Variants in CACNA2D3 observed in about 807,000 individuals in gnomAD.
CACNA2D3 encodes calcium voltage-gated channel auxiliary subunit alpha2delta 3, also known as voltage-dependent calcium channel subunit alpha-2/delta-3.
A neutral mutation model predicts 160.6 loss-of-function variants in CACNA2D3; 60 were observed. That is an observed-to-expected ratio of 0.37 (90% CI 0.30 to 0.46). CACNA2D3 has a LOEUF of 0.46. CACNA2D3 is among the 20% of genes least tolerant of loss of function. CACNA2D3 has a pLI of 1.00. For synonymous variants in CACNA2D3, 558 were observed against 492.9 expected (o/e 1.13, Z -1.75); for missense variants, 1,205 against 1,365.0 (o/e 0.88, Z 1.85).
chr3:54,924,869 G>T, intron 27 of CACNA2D3: 1 of 1,613,794 alleles, frequency 6.2e-7, no homozygotes, highest in Non-Finnish European at 8.5e-7. Context: ...GGAGGGAATG[G>T]AAAAGTCTGC....
chr3:55,004,971 T>TA (rs56926640), intron 32 of CACNA2D3, 133 bp downstream of exon 32: 30,234 of 502,644 alleles, frequency 0.06, 45 homozygotes, highest in South Asian at 0.08. Flanking sequence ...TTTACTCACT[T>TA]AAAAAAAAAA....
At chr3:54,402,560 A>G (rs1224520405) in intron 4 of CACNA2D3, among the ~76,000 whole-genome samples, 1 of 152,238 alleles carries the variant, frequency 6.6e-6, no homozygotes, top group African/African-American at 2.4e-5. Context: ...ATTTAATGAT[A>G]AAGGGCTCAA....
rs991748310 is a variant in CACNA2D3, at chr3:54,837,333, G to A, written c.1470+103G>A. ...GACTTTTGATTTTTAAGCATAGGATGTATGTCATTTTTCCTTATTGTTTGA... is the reference window on the plus strand; with the variant it reads ...GACTTTTGATTTTTAAGCATAGGATATATGTCATTTTTCCTTATTGTTTGA... On this transcript the variant is annotated intron_variant, in intron 15 of 37. Transcript: ENST00000474759. 7.8e-6 allele frequency: 7 copies of A among 892,090 alleles called. No homozygotes were observed. The Admixed American group carries it at 9.9e-5, about 13-fold the overall frequency. The allele number at this position is 892,090 out of a possible 1,614,324, so 55.3% of individuals were successfully genotyped here. A position where few individuals can be genotyped will look rare whatever the true frequency, so the allele number is the denominator to read the frequency against.
chr3:54,138,601 G>A (rs781659009), intron 2 of CACNA2D3, among the ~76,000 whole-genome samples: 1 of 152,228 alleles, frequency 6.6e-6, no homozygotes, highest in Non-Finnish European at 1.5e-5. Flanking sequence ...ATGATGGCTT[G>A]TACTTCTTGG....
At chr3:54,604,281 C>T (rs1364547559) in intron 9 of CACNA2D3, among the ~76,000 whole-genome samples, 2 of 152,136 alleles carry the variant, frequency 1.3e-5, no homozygotes, top group Admixed American at 6.5e-5. Context: ...GATGAAGTCC[C>T]TTCTCCCATG....
intron 2 of CACNA2D3, among the ~76,000 whole-genome samples, chr3:54,168,265 G>T (rs1353623390): frequency 6.6e-6 from 1 of 152,186 alleles, no homozygotes; most frequent in East Asian, 1.9e-4. Flanking sequence ...AATGCTTATG[G>T]AATGAATGAG....
rs957375585 is a variant in CACNA2D3 at position 54,477,266 on chromosome 3, A to T, written c.382-26226A>T. Among the ~76,000 whole-genome samples, 4 of 151,962 alleles carry T rather than the reference A, an allele frequency of 2.6e-5. No individual in the cohort carries two copies. In the South Asian group the frequency reaches 6.2e-4, roughly 24 times the overall value. ...CCTTTTTTTTTTTCAGATGGGGTAA[A>T]TGAGGCCCATAATGAATTAGCAGCT... On this transcript the variant is annotated intron_variant, in intron 4 of 37. Coordinates refer to ENST00000474759, the MANE Select transcript of CACNA2D3 (RefSeq NM_018398.3).
intron 13 of CACNA2D3, among the ~76,000 whole-genome samples, chr3:54,770,051 C>A (rs1368662244): frequency 6.6e-6 from 1 of 152,126 alleles, no homozygotes; most frequent in Non-Finnish European, 1.5e-5. Flanking sequence ...CGGTAGCAGC[C>A]CCCTTCACCC....
At chr3:55,021,715 G>GTGTGTATATA (rs1553632885) in intron 35 of CACNA2D3, among the ~76,000 whole-genome samples, 1 of 141,406 alleles carries the variant, frequency 7.1e-6, no homozygotes. Flanking sequence ...ATATGTGTGT[G>GTGTGTATATA]TATATATATA....
At chr3:54,849,618 A>G (rs1699011921) in intron 17 of CACNA2D3, among the ~76,000 whole-genome samples, 2 of 152,210 alleles carry the variant, frequency 1.3e-5, no homozygotes, top group South Asian at 4.1e-4. Flanking sequence ...TTCTCTGGCT[A>G]GCTCAGGCAG....
chr3:55,031,831 G>T (rs1217476535), intron 35 of CACNA2D3, among the ~76,000 whole-genome samples: 1 of 152,194 alleles, frequency 6.6e-6, no homozygotes, highest in Non-Finnish European at 1.5e-5. Flanking sequence ...TAGAGGTGTA[G>T]ATGATCAAAG....
At chr3:54,231,309 G>T (rs1284722370) in intron 2 of CACNA2D3, among the ~76,000 whole-genome samples, 2 of 152,128 alleles carry the variant, frequency 1.3e-5, no homozygotes, top group African/African-American at 2.4e-5. Flanking sequence ...CTGCCTTCTG[G>T]TCCTCACTCT....
At chr3:54,456,394 T>C (rs1168604207) in intron 4 of CACNA2D3, among the ~76,000 whole-genome samples, 3 of 152,032 alleles carry the variant, frequency 2.0e-5, no homozygotes, top group Non-Finnish European at 4.4e-5. Flanking sequence ...TACTGATTTT[T>C]ATATTAATAT....
At chr3:54,784,125 T>C (rs1702586575) in intron 13 of CACNA2D3, among the ~76,000 whole-genome samples, 1 of 152,178 alleles carries the variant, frequency 6.6e-6, no homozygotes, top group Admixed American at 6.5e-5. Flanking sequence ...TGAAGGGTAG[T>C]CAGGCAAGTC....
intron 11 of CACNA2D3, among the ~76,000 whole-genome samples, chr3:54,675,798 A>G (rs763388723): frequency 2.0e-5 from 3 of 152,246 alleles, no homozygotes; most frequent in Non-Finnish European, 4.4e-5. Flanking sequence ...GACGAAAGTA[A>G]AGGCTCTGAG....
chr3:54,300,679 C>G (rs1703455349), intron 2 of CACNA2D3, among the ~76,000 whole-genome samples: 1 of 152,142 alleles, frequency 6.6e-6, no homozygotes, highest in South Asian at 2.1e-4. Context: ...GTCACCAATT[C>G]TGATTTTGGA....
At chr3:54,686,885 A>G (rs957193364) in intron 11 of CACNA2D3, among the ~76,000 whole-genome samples, 1 of 152,144 alleles carries the variant, frequency 6.6e-6, no homozygotes, top group African/African-American at 2.4e-5. Flanking sequence ...TATCAGGTGT[A>G]AATATGGTTA....
intron 4 of CACNA2D3, among the ~76,000 whole-genome samples, chr3:54,484,806 G>A (rs973415059): frequency 4.0e-5 from 6 of 151,668 alleles, no homozygotes; most frequent in Non-Finnish European, 7.4e-5. Context: ...AATTATGAGA[G>A]TATGAGAGTT....
At chr3:55,033,161 A>C (rs973093247) in intron 35 of CACNA2D3, among the ~76,000 whole-genome samples, 1 of 152,308 alleles carries the variant, frequency 6.6e-6, no homozygotes. Flanking sequence ...GAAGCCCCTT[A>C]GGATACCAGA....
Sources: gnomAD v4.1 joint callset for allele counts (sites outside exome capture counted in the v4.1 genomes callset) on GRCh38, gnomAD v4.1.1 for gene constraint, MANE v1.5 for transcripts, NCBI Gene and HGNC (gene_info 2026-07-23, HGNC 2026-07-21) for gene names.